The following FRMD4B variants were observed in gnomAD, a reference collection of about 807,000 sequenced individuals.
FRMD4B encodes FERM domain-containing protein 4B.
A neutral mutation model predicts 141.5 loss-of-function variants in FRMD4B; 74 were observed. That is an observed-to-expected ratio of 0.52 (90% CI 0.43 to 0.63). The LOEUF (loss-of-function observed/expected upper bound fraction) is 0.63. FRMD4B is among the 30% of genes least tolerant of loss of function. The pLI, the probability that FRMD4B is intolerant of heterozygous loss-of-function variation, is 0.00. For synonymous variants in FRMD4B, 506 were observed against 467.9 expected, an observed-to-expected ratio of 1.08 and a Z score of -1.05; for missense variants, 1,366 against 1,253.4, an observed-to-expected ratio of 1.09 and a Z score of -1.36.
intron 2 of FRMD4B, among the ~76,000 whole-genome samples, chr3:69,424,378 C>T (rs1382284677): frequency 6.6e-6 from 1 of 152,158 alleles, no homozygotes; most frequent in Non-Finnish European, 1.5e-5. Context: ...ACTGCAGCAT[C>T]GAACTCCTGG....
intron 1 of FRMD4B, among the ~76,000 whole-genome samples, chr3:69,330,339 CCTTT>C (rs1702324664): frequency 1.1e-5 from 1 of 93,158 alleles, no homozygotes; most frequent in African/African-American, 4.7e-5. Flanking sequence ...GATTCTTTTG[CCTTT>C]TTTTTTTTTT....
intron 1 of FRMD4B, among the ~76,000 whole-genome samples, chr3:69,323,608 G>GTATATATATATA (rs55847019): frequency 5.8e-4 from 59 of 101,688 alleles, no homozygotes; most frequent in Non-Finnish European, 9.9e-4. Flanking sequence ...CTCTCTCTGT[G>GTATATATATATA]TATATATATA....
At chr3:69,433,758 C>A (rs1228252138) in intron 1 of FRMD4B, among the ~76,000 whole-genome samples, 1 of 152,188 alleles carries the variant, frequency 6.6e-6, no homozygotes, top group African/African-American at 2.4e-5. Context: ...ATTTTTAGTA[C>A]CCCTTTAGGA....
chr3:69,458,719 A>G (rs1705656768), intron 1 of FRMD4B, among the ~76,000 whole-genome samples: 2 of 152,100 alleles, frequency 1.3e-5, no homozygotes, highest in Admixed American at 1.3e-4. Flanking sequence ...TGATTCAAAC[A>G]TGGCTTAGAA....
intron 5 of FRMD4B, among the ~76,000 whole-genome samples, chr3:69,251,125 C>T (rs76735501): frequency 0.028 from 4,221 of 152,080 alleles, 190 homozygotes; most frequent in African/African-American, 0.096. Flanking sequence ...TTAGTGGTAA[C>T]GTTAGCTTGT....
At chr3:69,273,193 T>A (rs2093603362) in intron 5 of FRMD4B, among the ~76,000 whole-genome samples, 1 of 152,206 alleles carries the variant, frequency 6.6e-6, no homozygotes, top group African/African-American at 2.4e-5. Flanking sequence ...TTAACTGAAT[T>A]CCCTCAATGT....
At chr3:69,218,673 A>T (rs1369715622) in intron 9 of FRMD4B, among the ~76,000 whole-genome samples, 3 of 152,202 alleles carry the variant, frequency 2.0e-5, no homozygotes, top group Non-Finnish European at 2.9e-5. Context: ...CTCCATTTGC[A>T]AGTATTTTTT....
rs563199261 is a variant in FRMD4B at position 69,374,042 on chromosome 3, C to G, written c.162+11786G>C. ...GGCACCAAGAAGTCAAGTAACTTGT[C>G]CATGTCACACACCTATTAAGTAGGG... On this transcript the variant is annotated intron_variant, in intron 1 of 22. Transcript: ENST00000398540. Among the ~76,000 whole-genome samples, 34 of 152,258 alleles carry G rather than the reference C, an allele frequency of 2.2e-4. No individual in the cohort carries two copies. In the South Asian group the frequency reaches 6.4e-3, roughly 29 times the overall value.
intron 5 of FRMD4B, among the ~76,000 whole-genome samples, chr3:69,252,346 T>TC (rs1468523824): frequency 1.3e-5 from 2 of 152,194 alleles, no homozygotes; most frequent in Non-Finnish European, 2.9e-5. Flanking sequence ...TGTGGACTTT[T>TC]CCACCTACAC....
intron 16 of FRMD4B, among the ~76,000 whole-genome samples, chr3:69,194,232 T>A (rs1331467494): frequency 1.3e-5 from 2 of 152,262 alleles, no homozygotes; most frequent in African/African-American, 4.8e-5. Context: ...GGTTTGATCT[T>A]CTTCCTGGTA....
intron 1 of FRMD4B, among the ~76,000 whole-genome samples, chr3:69,343,511 T>G (rs190092047): frequency 6.6e-6 from 1 of 151,868 alleles, no homozygotes; most frequent in African/African-American, 2.4e-5. Flanking sequence ...CAATTTAATC[T>G]CTTGACCTAA....
chr3:69,344,939 T>C (rs998119019), intron 1 of FRMD4B, among the ~76,000 whole-genome samples: 2 of 152,046 alleles, frequency 1.3e-5, no homozygotes, highest in African/African-American at 4.8e-5. Context: ...TTTCTGCATT[T>C]CCAACTGAGA....
At chr3:69,424,887 T>C (rs1434301627) in intron 2 of FRMD4B, among the ~76,000 whole-genome samples, 1 of 152,180 alleles carries the variant, frequency 6.6e-6, no homozygotes, top group Non-Finnish European at 1.5e-5. Context: ...GTTATATAGA[T>C]GTAATATAGA....
intron 1 of FRMD4B, among the ~76,000 whole-genome samples, chr3:69,368,185 T>C (rs904950279): frequency 6.6e-6 from 1 of 152,180 alleles, no homozygotes; most frequent in African/African-American, 2.4e-5. Flanking sequence ...TCACGAGATA[T>C]CATGTTCCCA....
At chr3:69,276,933 C>T (rs1575683588) in intron 5 of FRMD4B, among the ~76,000 whole-genome samples, 2 of 152,182 alleles carry the variant, frequency 1.3e-5, no homozygotes, top group African/African-American at 4.8e-5. Context: ...CCACTGCACT[C>T]CAGCCTGGGC....
chr3:69,319,534 G>A (rs1455301321), intron 1 of FRMD4B, among the ~76,000 whole-genome samples: 1 of 152,148 alleles, frequency 6.6e-6, no homozygotes, highest in African/African-American at 2.4e-5. Flanking sequence ...GCTGCTGTAG[G>A]GGAAATAAAG....
At chr3:69,475,605 A>C (rs1232093521) in intron 1 of FRMD4B, among the ~76,000 whole-genome samples, 1 of 152,024 alleles carries the variant, frequency 6.6e-6, no homozygotes, top group Non-Finnish European at 1.5e-5. Context: ...CCAGTCTATC[A>C]TTGTTGGACA....
At position 69,187,552 on chromosome 3, in the gene FRMD4B, A is replaced by ATATATATATATATACATATATATATATGT. The variant is rs916997140; in HGVS notation, c.1919+217_1919+218insACATATATATATATGTATATATATATATA. Among the ~76,000 whole-genome samples, 23 of 143,606 alleles carry ATATATATATATATACATATATATATATGT rather than the reference A, an allele frequency of 1.6e-4. No individual in the cohort carries two copies. The East Asian group carries it at 1.6e-3, about 10-fold the overall frequency. 94.2% of individuals were successfully genotyped at this position (143,606 alleles called of 152,430 possible). ...TGAAACTCCACCTCAAAAAAAAAAA[A>ATATATATATATATACATATATATATATGT]ATATATATATATATACATATATATA... On this transcript the variant is annotated intron_variant, in intron 19 of 22. Coordinates refer to ENST00000398540, the MANE Select transcript of FRMD4B (RefSeq NM_015123.3).
At chr3:69,484,345 C>T (rs1452216781) in intron 1 of FRMD4B, among the ~76,000 whole-genome samples, 1 of 152,062 alleles carries the variant, frequency 6.6e-6, no homozygotes, top group East Asian at 1.9e-4. Context: ...AGAATTCTAC[C>T]AGGTGCTATT....
Sources: gnomAD v4.1 joint callset for allele counts (sites outside exome capture counted in the v4.1 genomes callset) on GRCh38, gnomAD v4.1.1 for gene constraint, MANE v1.5 for transcripts, NCBI Gene and HGNC (gene_info 2026-07-23, HGNC 2026-07-21) for gene names.